Variants in DEFB135 observed in about 807,000 individuals in gnomAD.
The protein encoded by DEFB135 is defensin beta 135.
In DEFB135, 14 loss-of-function variants were observed where a neutral mutation model predicts 8.9. The observed-to-expected ratio is 1.58, with a 90% confidence interval of 1.04 to 2.47. DEFB135 has a LOEUF of 2.47. Ranked by LOEUF, DEFB135 falls within the 30% of genes most tolerant of loss-of-function variation. The probability of loss-of-function intolerance (pLI) is 0.00; values close to 1 mark genes in which losing one functional copy is unlikely to be tolerated. For missense variants in DEFB135, 135 were observed against 94.2 expected, an observed-to-expected ratio of 1.43 and a Z score of -1.79; for synonymous variants, 51 against 34.5, an observed-to-expected ratio of 1.48 and a Z score of -1.67.
chr8:11,983,353 G>A (rs1476887814), intron 1 of DEFB135, among the ~76,000 whole-genome samples: 1 of 152,188 alleles, frequency 6.6e-6, no homozygotes, highest in African/African-American at 2.4e-5. Context: ...TGGTGCCATT[G>A]CACTCCAGCC....
At chr8:11,984,091 C>T (rs906170274) in intron 1 of DEFB135, among the ~76,000 whole-genome samples, 2 of 152,158 alleles carry the variant, frequency 1.3e-5, no homozygotes, top group East Asian at 1.9e-4. Flanking sequence ...GGGACCTCTG[C>T]AGGCTCCTGG....
intron 1 of DEFB135, 37 bp downstream of exon 1, chr8:11,982,421 G>C (rs1371223641): frequency 3.1e-6 from 5 of 1,610,506 alleles, no homozygotes; most frequent in South Asian, 2.2e-5. Context: ...ATTAGGAATA[G>C]TAAAGGGAAA....
At chr8:11,982,535 G>T (rs1324573926) in intron 1 of DEFB135, 151 bp downstream of exon 1, 13 of 771,412 alleles carry the variant, frequency 1.7e-5, no homozygotes, top group Non-Finnish European at 2.5e-5. Flanking sequence ...GGCTGGTCCA[G>T]AGAATGGAGA....
chr8:11,982,854 A>C (rs1348189625), intron 1 of DEFB135, among the ~76,000 whole-genome samples: 1 of 152,220 alleles, frequency 6.6e-6, no homozygotes, highest in Non-Finnish European at 1.5e-5. Flanking sequence ...GTTAAGATGT[A>C]TTACACTAAC....
chr8:11,982,492 C>A (rs1481227861), intron 1 of DEFB135, 108 bp downstream of exon 1: 14 of 1,255,184 alleles, frequency 1.1e-5, no homozygotes, highest in Non-Finnish European at 1.5e-5. Context: ...GAAGCTGCAA[C>A]AGGGAGGAAA....
intron 1 of DEFB135, among the ~76,000 whole-genome samples, chr8:11,983,511 G>C (rs922309393): frequency 5.3e-5 from 8 of 152,184 alleles, no homozygotes; most frequent in African/African-American, 1.9e-4. Flanking sequence ...GTCTCTACTG[G>C]ACTCCTTTGT....
chr8:11,983,211 T>C (rs1275167398), intron 1 of DEFB135, among the ~76,000 whole-genome samples: 2 of 152,032 alleles, frequency 1.3e-5, no homozygotes, highest in African/African-American at 2.4e-5. Context: ...CTAGCCAACA[T>C]GGTGAAAACC....
In DEFB135 at chr8:11,984,557, C is replaced by T; in HGVS notation, c.201C>T (p.Asn67=). 6.5e-7 allele frequency: 1 copy of T among 1,542,516 alleles called. No homozygotes were observed. Among genetic ancestry groups the T allele is most frequent in the Non-Finnish European group, 8.8e-7 (1 of 1,132,256 alleles). Residue 67 remains asparagine, a synonymous_variant, in exon 2 of 2, where the codon AAC becomes AAT. Transcript: ENST00000382208. The part of the protein sequence containing the change: ...LCDTIHLCCV[N]PKYLPILTGK ...ATACTATACATTTGTGCTGTGTAAA[C>T]CCAAAATATTTACCTATACTGACTG...
chr8:11,983,846 T>C (rs1462083345), intron 1 of DEFB135, among the ~76,000 whole-genome samples: 5 of 152,036 alleles, frequency 3.3e-5, no homozygotes, highest in Non-Finnish European at 7.4e-5. Flanking sequence ...TTTCAAACCA[T>C]TTCACACTCA....
chr8:11,983,616 C>T (rs918808080), intron 1 of DEFB135, among the ~76,000 whole-genome samples: 2 of 152,038 alleles, frequency 1.3e-5, no homozygotes, highest in Admixed American at 6.5e-5. Context: ...TTTCACACCA[C>T]AAAGGTTCAA....
chr8:11,984,415 T>C lies in DEFB135; in HGVS notation c.65-6T>C. ...ACTGTGCATTAACCTTTGTTTCTCT[T>C]GGCAGGTAGAAGTGGACCCAATGTC... On this transcript the variant is annotated splice_polypyrimidine_tract_variant and splice_region_variant and intron_variant, in intron 1 of 1. Transcript: ENST00000382208. The C allele has an allele frequency of 6.6e-7, 1 of 1,524,754 alleles. No homozygotes were observed. The highest frequency in any genetic ancestry group is 8.9e-7 in the Non-Finnish European group (1 of 1,122,776). The allele number at this position is 1,524,754 out of a possible 1,614,324, so 94.5% of individuals were successfully genotyped here. A position where few individuals can be genotyped will look rare whatever the true frequency, so the allele number is the denominator to read the frequency against.
intron 1 of DEFB135, among the ~76,000 whole-genome samples, chr8:11,983,874 A>G (rs2150552327): frequency 6.6e-6 from 1 of 152,140 alleles, no homozygotes; most frequent in South Asian, 2.1e-4. Context: ...ATGGGTGCAA[A>G]GTACCCATGG....
chr8:11,984,510 G>C lies in DEFB135; in HGVS notation c.154G>C (p.Glu52Gln), dbSNP rs73663074. 5.7e-6 allele frequency: 9 copies of C among 1,588,060 alleles called. No individual in the cohort carries two copies. Among genetic ancestry groups the C allele is most frequent in the Non-Finnish European group, 7.8e-6 (9 of 1,160,084 alleles). The change falls in exon 2 of 2, where the codon GAA (glutamate) becomes CAA (glutamine). Residue 52 changes from glutamate to glutamine, a missense_variant. By Grantham distance (29) the Glu-to-Gln change is conservative (BLOSUM62 2). Coordinates refer to ENST00000382208, the MANE Select transcript of DEFB135 (RefSeq NM_001033017.3). ...TTGCCGGCCAAAATGTCTAAAAAAC[G>C]AACAATATCGTATTTTGTGTGATAC... is the stretch of plus-strand genomic sequence containing the variant. ...GTCRPKCLKN[E>Q]QYRILCDTIH...
chr8:11,982,281 G>C lies in DEFB135; in HGVS notation c.-40G>C. The C allele has an allele frequency of 1.2e-6, 2 of 1,609,684 alleles. No individual in the cohort carries two copies. The highest frequency in any genetic ancestry group is 8.5e-7 in the Non-Finnish European group (1 of 1,176,476). On this transcript the variant is annotated 5_prime_UTR_variant, in exon 1 of 2. Coordinates refer to ENST00000382208, the MANE Select transcript of DEFB135 (RefSeq NM_001033017.3). ...GTCTCTTCAAAGCTGCGGAGAGAGT[G>C]ACTCTCCGATGAGTCACAGCTGCTT... is the stretch of plus-strand genomic sequence containing the variant.
At chr8:11,984,320 T>C in intron 1 of DEFB135, 101 bp from the exon 2 acceptor site, 4 of 952,310 alleles carry the variant, frequency 4.2e-6, no homozygotes, top group Non-Finnish European at 5.8e-6. Flanking sequence ...GTCTAATTCA[T>C]TATTAAAAAG....
chr8:11,983,042 G>T (rs4458915), intron 1 of DEFB135, among the ~76,000 whole-genome samples: 4,770 of 152,228 alleles, frequency 0.031, 243 homozygotes, highest in African/African-American at 0.11. Flanking sequence ...CCTACCCTTT[G>T]CCTCAAACCT....
At chr8:11,983,597 A>G (rs1402460019) in intron 1 of DEFB135, among the ~76,000 whole-genome samples, 1 of 151,992 alleles carries the variant, frequency 6.6e-6, no homozygotes, top group African/African-American at 2.4e-5. Flanking sequence ...ACCATACCAC[A>G]TTGATTATTT....
In DEFB135 at chr8:11,982,378, C is replaced by T. The variant is rs199632993; in HGVS notation, c.58C>T (p.Pro20Ser). The T allele has an allele frequency of 5.1e-4, 827 of 1,613,960 alleles. No individual in the cohort carries two copies. Among genetic ancestry groups the T allele is most frequent in the Non-Finnish European group, 6.5e-4 (766 of 1,180,024 alleles). ...LVVLNLLFYV[P>S]PGRSGPNVYI... ...GGTCCTTAACTTACTCTTCTATGTT[C>T]CACCAGGTAAAATGGAGTCCCCACC... The change falls in exon 1 of 2, where the codon CCA becomes TCA. Residue 20 changes from proline (P) to serine (S), a missense_variant. By Grantham distance (74) the Pro-to-Ser change is moderately conservative. Coordinates refer to ENST00000382208, the MANE Select transcript of DEFB135 (RefSeq NM_001033017.3).
In DEFB135 at chr8:11,982,402, C is replaced by T. The variant is rs755634575; in HGVS notation, c.64+18C>T. Reference sequence around the variant, plus strand: ...TCCACCAGGTAAAATGGAGTCCCCACCTTGTAGAATTAGGAATAGTAAAGG... The same window carrying T: ...TCCACCAGGTAAAATGGAGTCCCCATCTTGTAGAATTAGGAATAGTAAAGG... On this transcript the variant is annotated intron_variant, in intron 1 of 1. Transcript: ENST00000382208. 9.9e-6 allele frequency: 16 copies of T among 1,613,618 alleles called. No individual in the cohort carries two copies. Among genetic ancestry groups the T allele is most frequent in the Non-Finnish European group, 1.1e-5 (13 of 1,179,760 alleles).
Sources: allele counts gnomAD v4.1 joint callset (sites outside exome capture counted in the v4.1 genomes callset), GRCh38; gene constraint gnomAD v4.1.1; transcripts MANE v1.5; gene names NCBI Gene and HGNC (gene_info 2026-07-23, HGNC 2026-07-21).